Variants in MDFIC2 observed in about 807,000 individuals in gnomAD.
MDFIC2 encodes the protein myoD family inhibitor domain-containing protein 2.
intron 2 of MDFIC2, among the ~76,000 whole-genome samples, chr3:70,242,234 A>G (rs189049904): frequency 9.9e-5 from 15 of 152,274 alleles, no homozygotes. Context: ...CATTTCATTC[A>G]TATGCCTCCA....
intron 2 of MDFIC2, among the ~76,000 whole-genome samples, chr3:70,233,446 G>A (rs1227570821): frequency 6.6e-6 from 1 of 152,230 alleles, no homozygotes; most frequent in South Asian, 2.1e-4. Flanking sequence ...TGATGATAAA[G>A]CTTCCCTTTT....
intron 2 of MDFIC2, among the ~76,000 whole-genome samples, chr3:70,240,801 C>A (rs1701660330): frequency 6.6e-6 from 1 of 152,084 alleles, no homozygotes; most frequent in Admixed American, 6.6e-5. Flanking sequence ...CGGGGCACAT[C>A]ACTGTAATTT....
At chr3:70,297,410 G>T (rs1226847414) in intron 2 of MDFIC2, among the ~76,000 whole-genome samples, 1 of 151,982 alleles carries the variant, frequency 6.6e-6, no homozygotes, top group African/African-American at 2.4e-5. Context: ...GCCACTCAAA[G>T]GTTGTAATTA....
intron 2 of MDFIC2, among the ~76,000 whole-genome samples, chr3:70,298,255 G>A (rs1358118519): frequency 3.3e-5 from 5 of 152,044 alleles, no homozygotes; most frequent in Non-Finnish European, 7.4e-5. Flanking sequence ...TTCTGCCACT[G>A]GAGTTATTTT....
At chr3:70,283,909 A>G (rs375627814) in intron 2 of MDFIC2, 1 of 152,130 alleles carries the variant, frequency 6.6e-6, no homozygotes, top group Non-Finnish European at 1.5e-5. Flanking sequence ...TATTTAATAC[A>G]TGTGCTATTA....
At chr3:70,199,529 A>C (rs528965552) in intron 3 of MDFIC2, among the ~76,000 whole-genome samples, 112 of 152,268 alleles carry the variant, frequency 7.4e-4, no homozygotes, top group Admixed American at 2.5e-3. Flanking sequence ...TCTCTTGCCC[A>C]AAAACAACAT....
At chr3:70,275,767 G>T (rs1351205741) in intron 2 of MDFIC2, among the ~76,000 whole-genome samples, 1 of 152,132 alleles carries the variant, frequency 6.6e-6, no homozygotes, top group East Asian at 1.9e-4. Flanking sequence ...ACTTTCAGAA[G>T]TTTATAGCAT....
intron 2 of MDFIC2, among the ~76,000 whole-genome samples, chr3:70,236,282 A>G (rs1701608070): frequency 6.6e-6 from 1 of 152,168 alleles, no homozygotes; most frequent in Non-Finnish European, 1.5e-5. Flanking sequence ...CATCACTTTG[A>G]GACTTTAAAC....
intron 2 of MDFIC2, among the ~76,000 whole-genome samples, chr3:70,290,646 C>G (rs1413424257): frequency 1.3e-5 from 2 of 152,180 alleles, no homozygotes; most frequent in African/African-American, 4.8e-5. Flanking sequence ...ATGGCGGGCG[C>G]CCCTCCCCTA....
intron 2 of MDFIC2, among the ~76,000 whole-genome samples, chr3:70,250,544 A>T (rs1043614696): frequency 6.6e-6 from 1 of 152,168 alleles, no homozygotes; most frequent in East Asian, 1.9e-4. Context: ...CTAATACTTA[A>T]AAGAAAAACC....
At chr3:70,280,395 C>T (rs1304199478) in intron 2 of MDFIC2, among the ~76,000 whole-genome samples, 1 of 152,118 alleles carries the variant, frequency 6.6e-6, no homozygotes, top group Non-Finnish European at 1.5e-5. Flanking sequence ...TTCTGGGTGG[C>T]CATTATTCAA....
chr3:70,302,798 G>A (rs1702363870), intron 2 of MDFIC2: 1 of 152,102 alleles, frequency 6.6e-6, no homozygotes, highest in Non-Finnish European at 1.5e-5. Flanking sequence ...TAATTCATCT[G>A]GTCATAGTCT....
chr3:70,277,234 G>A (rs555973368), intron 2 of MDFIC2, among the ~76,000 whole-genome samples: 1 of 152,186 alleles, frequency 6.6e-6, no homozygotes, highest in African/African-American at 2.4e-5. Flanking sequence ...AATACAATAC[G>A]AAAAAGGCTG....
chr3:70,282,047 T>C (rs1702089601), intron 2 of MDFIC2, among the ~76,000 whole-genome samples: 1 of 152,138 alleles, frequency 6.6e-6, no homozygotes, highest in Non-Finnish European at 1.5e-5. Flanking sequence ...CTTTGCTTGT[T>C]GCATATAAAG....
intron 2 of MDFIC2, among the ~76,000 whole-genome samples, chr3:70,284,157 C>A (rs184334796): frequency 9.0e-4 from 137 of 152,156 alleles, no homozygotes; most frequent in African/African-American, 3.0e-3. Context: ...GCAAGAGTCA[C>A]AGTGTATTTC....
At chr3:70,230,898 C>A (rs374865564) in intron 2 of MDFIC2, among the ~76,000 whole-genome samples, 9 of 152,188 alleles carry the variant, frequency 5.9e-5, no homozygotes, top group African/African-American at 2.2e-4. Flanking sequence ...AAACCCAGCT[C>A]TGTTGAAAAG....
intron 2 of MDFIC2, among the ~76,000 whole-genome samples, chr3:70,220,784 C>G (rs1701454753): frequency 2.0e-5 from 3 of 152,174 alleles, no homozygotes; most frequent in Admixed American, 6.6e-5. Context: ...AGATTTCAGT[C>G]TCTCTGAAGC....
At chr3:70,244,308 G>A (rs1701686322) in intron 2 of MDFIC2, among the ~76,000 whole-genome samples, 1 of 152,186 alleles carries the variant, frequency 6.6e-6, no homozygotes, top group South Asian at 2.1e-4. Flanking sequence ...CCACTGCAGT[G>A]TAGACTTTTT....
At chr3:70,221,509 G>A (rs1701459928) in intron 2 of MDFIC2, among the ~76,000 whole-genome samples, 1 of 152,096 alleles carries the variant, frequency 6.6e-6, no homozygotes, top group African/African-American at 2.4e-5. Context: ...ATATGCAGGA[G>A]ATACAAAGAT....
Sources: allele counts gnomAD v4.1 joint callset (sites outside exome capture counted in the v4.1 genomes callset), GRCh38; gene constraint gnomAD v4.1.1; transcripts MANE v1.5; gene names NCBI Gene and HGNC (gene_info 2026-07-23, HGNC 2026-07-21).